Variants in SORCS3 observed in about 807,000 individuals in gnomAD.
The protein encoded by SORCS3 is VPS10 domain-containing receptor SorCS3.
In SORCS3, 57 loss-of-function variants were observed where a neutral mutation model predicts 146.3. That is an observed-to-expected ratio of 0.39 (90% CI 0.31 to 0.49). SORCS3 has a LOEUF of 0.49. Among genes scored for constraint, SORCS3 ranks in the 20% least tolerant of loss-of-function variants. SORCS3 has a pLI of 0.92. For missense variants in SORCS3, 1,341 were observed against 1,575.5 expected (o/e 0.85, Z 2.52); for synonymous variants, 653 against 618.5 (o/e 1.06, Z -0.83).
intron 6 of SORCS3, among the ~76,000 whole-genome samples, chr10:105,105,060 TAGAG>T (rs1374357899): frequency 2.6e-5 from 4 of 152,134 alleles, no homozygotes; most frequent in African/African-American, 4.8e-5. Flanking sequence ...ATTAGAAAAT[TAGAG>T]AGAACAGATT....
chr10:104,804,306 C>T (rs1187606432), intron 1 of SORCS3, among the ~76,000 whole-genome samples: 1 of 152,188 alleles, frequency 6.6e-6, no homozygotes, highest in African/African-American at 2.4e-5. Context: ...TTTCGTTCTT[C>T]CAGCCTTACA....
chr10:104,704,493 A>G (rs1589465061), intron 1 of SORCS3, among the ~76,000 whole-genome samples: 1 of 152,232 alleles, frequency 6.6e-6, no homozygotes, highest in East Asian at 1.9e-4. Context: ...CTACAGGTTC[A>G]ACTACAATAT....
intron 7 of SORCS3, among the ~76,000 whole-genome samples, chr10:105,111,052 C>T (rs1214342329): frequency 6.6e-6 from 1 of 152,150 alleles, no homozygotes; most frequent in East Asian, 1.9e-4. Flanking sequence ...ATATGAATTC[C>T]TTACCCACCA....
At position 105,167,304 on chromosome 10, in the gene SORCS3, C is replaced by A. The variant is rs1434644467; in HGVS notation, c.1856C>A (p.Ala619Asp). 1 of 1,613,208 alleles carries A rather than the reference C, an allele frequency of 6.2e-7. No individual in the cohort carries two copies. The highest frequency in any genetic ancestry group is 8.5e-7 in the Non-Finnish European group (1 of 1,179,548). ...GTCTGGTTCCTAGACTGGGGTGGTG[C>A]CCTCGTGGCCATGAAACACACACCT... ...YNVWFLDWGG[A>D]LVAMKHTPLP... is the part of the protein sequence containing the mutation. The change falls in exon 13 of 27, where the codon GCC becomes GAC. Residue 619 changes from alanine (A) to aspartate (D), a missense_variant. Ala to Asp is a moderately radical substitution (Grantham distance 126, BLOSUM62 -2). Coordinates refer to ENST00000369701, the MANE Select transcript of SORCS3 (RefSeq NM_014978.3).
intron 6 of SORCS3, among the ~76,000 whole-genome samples, chr10:105,096,799 C>A (rs1411958279): frequency 6.6e-6 from 1 of 152,012 alleles, no homozygotes; most frequent in Admixed American, 6.6e-5. Context: ...ATGTGCTGTC[C>A]AAATCAAGCT....
intron 2 of SORCS3, among the ~76,000 whole-genome samples, chr10:104,903,694 A>G (rs1291057055): frequency 6.6e-6 from 1 of 152,224 alleles, no homozygotes; most frequent in Non-Finnish European, 1.5e-5. Flanking sequence ...GAGGATGGAT[A>G]GAGTCAAAAC....
chr10:104,881,687 G>A (rs1348492211), intron 2 of SORCS3, among the ~76,000 whole-genome samples: 1 of 152,102 alleles, frequency 6.6e-6, no homozygotes, highest in Non-Finnish European at 1.5e-5. Flanking sequence ...CAGCTATAAA[G>A]GCAGAGACTT....
At chr10:104,853,117 G>A (rs762157759) in intron 2 of SORCS3, among the ~76,000 whole-genome samples, 17 of 152,348 alleles carry the variant, frequency 1.1e-4, no homozygotes, top group Middle Eastern at 6.8e-3. Flanking sequence ...GACCAACATG[G>A]TGAAACCTCA....
intron 1 of SORCS3, among the ~76,000 whole-genome samples, chr10:104,815,194 T>C (rs1348654990): frequency 6.6e-6 from 1 of 152,170 alleles, no homozygotes; most frequent in Non-Finnish European, 1.5e-5. Flanking sequence ...GTGCGGTGGC[T>C]GATGCCTCTA....
chr10:105,235,909 G>T (rs2056790710), intron 20 of SORCS3, among the ~76,000 whole-genome samples: 3 of 152,018 alleles, frequency 2.0e-5, no homozygotes, highest in Non-Finnish European at 2.9e-5. Flanking sequence ...CTATTTTATA[G>T]CATAAATATA....
chr10:104,989,176 G>T (rs1409553817), intron 4 of SORCS3, among the ~76,000 whole-genome samples: 2 of 152,168 alleles, frequency 1.3e-5, no homozygotes, highest in Non-Finnish European at 2.9e-5. Context: ...CTTTTAAATG[G>T]TTTAATTAAA....
intron 16 of SORCS3, among the ~76,000 whole-genome samples, chr10:105,206,456 A>G (rs2056603232): frequency 6.6e-6 from 1 of 152,206 alleles, no homozygotes; most frequent in Non-Finnish European, 1.5e-5. Context: ...GATACACAAA[A>G]GAAAGAGAAC....
intron 1 of SORCS3, among the ~76,000 whole-genome samples, chr10:104,790,781 T>G (rs2017487736): frequency 6.6e-6 from 1 of 152,226 alleles, no homozygotes; most frequent in Admixed American, 6.5e-5. Context: ...GAGCAAAACA[T>G]GGTCTCAACG....
intron 1 of SORCS3, among the ~76,000 whole-genome samples, chr10:104,820,416 T>C (rs1012975886): frequency 2.6e-5 from 4 of 152,222 alleles, no homozygotes; most frequent in African/African-American, 4.8e-5. Flanking sequence ...TATTAACAGA[T>C]GTTTATAAAC....
intron 4 of SORCS3, among the ~76,000 whole-genome samples, chr10:105,012,202 C>T (rs1006387312): frequency 3.9e-5 from 6 of 152,096 alleles, no homozygotes; most frequent in African/African-American, 1.2e-4. Flanking sequence ...CTTGTGTTTC[C>T]AAAAGCTTCT....
Position 105,255,779 on chromosome 10 carries a change from G to T in SORCS3, c.3315G>T (p.Val1105=). The T allele has an allele frequency of 6.2e-7, 1 of 1,613,772 alleles. No individual in the cohort carries two copies. The highest frequency in any genetic ancestry group is 8.5e-7 in the Non-Finnish European group (1 of 1,179,838). The change falls in exon 24 of 27, where the codon GTG becomes GTT. Residue 1105 remains valine, a synonymous_variant. Transcript: ENST00000369701. ...TGAAGCCGGGGGTACAAGTCATTGT[G>T]TATGTCACACAGCTGACGTTAGGTG... ...FELKPGVQVI[V]YVTQLTLAPL...
chr10:105,193,987 G>A (rs1391191800), intron 14 of SORCS3, among the ~76,000 whole-genome samples: 2 of 152,074 alleles, frequency 1.3e-5, no homozygotes, highest in Admixed American at 1.3e-4. Context: ...AATCCAAGTG[G>A]CAAGGTAAAA....
chr10:105,051,312 A>G (rs2055411173), intron 5 of SORCS3, among the ~76,000 whole-genome samples: 1 of 152,084 alleles, frequency 6.6e-6, no homozygotes, highest in Non-Finnish European at 1.5e-5. Context: ...TGGGTGGAGG[A>G]TGAAGGGCAG....
intron 1 of SORCS3, among the ~76,000 whole-genome samples, chr10:104,654,074 C>T (rs2015595737): frequency 6.6e-6 from 1 of 152,120 alleles, no homozygotes; most frequent in South Asian, 2.1e-4. Context: ...TGGTGCCTGG[C>T]TTATTTCACT....
Sources: gnomAD v4.1 joint callset for allele counts (sites outside exome capture counted in the v4.1 genomes callset) on GRCh38, gnomAD v4.1.1 for gene constraint, MANE v1.5 for transcripts, NCBI Gene and HGNC (gene_info 2026-07-23, HGNC 2026-07-21) for gene names.